The following TNNI2 variants were observed in gnomAD, a reference collection of about 807,000 sequenced individuals.
The protein encoded by TNNI2 is troponin I, fast skeletal muscle.
A neutral mutation model predicts 26.5 loss-of-function variants in TNNI2; 14 were observed. The ratio of observed to expected loss-of-function variants is 0.53; its 90% CI spans 0.35 to 0.83. The LOEUF is 0.83. TNNI2 is among the 40% of genes least tolerant of loss of function. The pLI is 0.01. For synonymous variants in TNNI2, 126 were observed against 97.6 expected (o/e 1.29, Z -1.71); for missense variants, 205 against 248.5 (o/e 0.82, Z 1.18).
chr11:1,839,565 C>T (rs931187388), intron 1 of TNNI2, 110 bp from the exon 2 acceptor site: 52 of 899,480 alleles, frequency 5.8e-5, no homozygotes, highest in African/African-American at 2.7e-4. Flanking sequence ...AGGGGGTGGG[C>T]GGGAGGGGGC....
chr11:1,841,674 C>T lies in TNNI2; in HGVS notation c.*123C>T. The T allele has an allele frequency of 1.1e-6, 1 of 901,540 alleles. No individual in the cohort carries two copies. 55.8% of individuals were successfully genotyped at this position (901,540 alleles called of 1,614,324 possible). A position where few individuals can be genotyped will look rare whatever the true frequency, so the allele number is the denominator to read the frequency against. On this transcript the variant is annotated 3_prime_UTR_variant, in exon 8 of 8. Transcript: ENST00000381911. ...ACCACCGTCAATAAAGGATTTGAAT[C>T]CCCATGGCTGGTCTGGTCTGGCTCT...
At chr11:1,840,152 C>T in intron 3 of TNNI2, 1 of 1,537,692 alleles carries the variant, frequency 6.5e-7, no homozygotes, top group Non-Finnish European at 8.8e-7. Context: ...CCAACTGGCC[C>T]TCCTCTCCCC....
chr11:1,839,309 G>C (rs1847111481), intron 1 of TNNI2, among the ~76,000 whole-genome samples: 1 of 152,110 alleles, frequency 6.6e-6, no homozygotes, highest in Admixed American at 6.5e-5. Flanking sequence ...TGAGCCCCCA[G>C]GCCAAACTGA....
chr11:1,840,873 G>C lies in TNNI2; in HGVS notation c.241G>C (p.Asp81His), dbSNP rs773887764. 6.2e-7 allele frequency: 1 copy of C among 1,613,296 alleles called. No individual in the cohort carries two copies. Among genetic ancestry groups the C allele is most frequent in the Non-Finnish European group, 8.5e-7 (1 of 1,179,856 alleles). Reference protein sequence around the residue: ...KIDAAEEEKYDMEVRVQKTSK... With the variant: ...KIDAAEEEKYHMEVRVQKTSK... ...CGATGCGGCTGAAGAGGAGAAGTACGACATGGAGGTGAGGGTGCAGAAGAC... is the reference window on the plus strand; with the variant it reads ...CGATGCGGCTGAAGAGGAGAAGTACCACATGGAGGTGAGGGTGCAGAAGAC... The change falls in exon 6 of 8, where the codon GAC (aspartate) becomes CAC (histidine). Residue 81 changes from aspartate to histidine, a missense_variant. Coordinates refer to ENST00000381911, the MANE Select transcript of TNNI2 (RefSeq NM_003282.4).
At chr11:1,840,304 C>T (rs963361932) in intron 3 of TNNI2, 99 bp from the exon 4 acceptor site, 62 of 1,546,112 alleles carry the variant, frequency 4.0e-5, no homozygotes, top group African/African-American at 3.4e-4. Flanking sequence ...CTGCTGGTCC[C>T]GGAGCCGGAG....
chr11:1,839,873 G>C lies in TNNI2; in HGVS notation c.15+18G>C, dbSNP rs764564038. On this transcript the variant is annotated intron_variant, in intron 3 of 7. Transcript: ENST00000381911. ...GTGAGGAGGTAAGTAGTTGCTGGGG[G>C]CTCAAAACATGACGAGGAGGGGGCT... 1 of 1,613,674 alleles carries C rather than the reference G, an allele frequency of 6.2e-7. No homozygotes were observed. The highest frequency in any genetic ancestry group is 8.5e-7 in the Non-Finnish European group (1 of 1,179,808).
At chr11:1,839,102 TC>T (rs2133031590) in intron 1 of TNNI2, 69 bp downstream of exon 1, 1 of 146,780 alleles carries the variant, frequency 6.8e-6, no homozygotes, top group African/African-American at 2.5e-5. Flanking sequence ...AGGGAGGACT[TC>T]CTGGGGCGGG....
chr11:1,840,911 G>T lies in TNNI2; in HGVS notation c.276+3G>T. On this transcript the variant is annotated splice_donor_region_variant and intron_variant, in intron 6 of 7. Coordinates refer to ENST00000381911, the MANE Select transcript of TNNI2 (RefSeq NM_003282.4). ...GGGTGCAGAAGACCAGCAAGGAGGT[G>T]AGTGGTGGCGGCGGGCCGGCGGCAG... 6.2e-7 allele frequency: 1 copy of T among 1,612,398 alleles called. No individual in the cohort carries two copies. Among genetic ancestry groups the T allele is most frequent in the Admixed American group, 1.7e-5 (1 of 59,924 alleles).
intron 5 of TNNI2, 47 bp downstream of exon 5, chr11:1,840,703 C>A (rs1270878232): frequency 1.2e-5 from 20 of 1,611,900 alleles, no homozygotes; most frequent in Non-Finnish European, 1.5e-5. Flanking sequence ...AGCAGGCCTG[C>A]CTGCTAACTC....
Position 1,840,898 on chromosome 11 carries a change from C to A in TNNI2, c.266C>A (p.Thr89Asn). The change falls in exon 6 of 8, where the codon ACC becomes AAC. Residue 89 changes from threonine (T) to asparagine (N), a missense_variant. Coordinates refer to ENST00000381911, the MANE Select transcript of TNNI2 (RefSeq NM_003282.4). The part of the protein sequence containing the change: ...KYDMEVRVQK[T>N]SKELEDMNQK... ...GACATGGAGGTGAGGGTGCAGAAGA[C>A]CAGCAAGGAGGTGAGTGGTGGCGGC... 1 of 1,613,144 alleles carries A rather than the reference C, an allele frequency of 6.2e-7. No homozygotes were observed. Among genetic ancestry groups the A allele is most frequent in the Non-Finnish European group, 8.5e-7 (1 of 1,179,706 alleles).
intron 3 of TNNI2, 76 bp from the exon 4 acceptor site, chr11:1,840,327 C>T (rs1847134261): frequency 3.2e-6 from 5 of 1,554,132 alleles, no homozygotes; most frequent in Non-Finnish European, 4.4e-6. Context: ...CCTGACCTGG[C>T]CAGGGAGCGT....
chr11:1,841,580 G>C lies in TNNI2; in HGVS notation c.*29G>C, dbSNP rs200732729. The C allele has an allele frequency of 6.0e-5, 97 of 1,606,360 alleles. No individual in the cohort carries two copies. The African/African-American group carries it at 1.3e-3, about 21-fold the overall frequency. ...ACTCGCTGCCCCTACGCCTGCCCCG[G>C]TGCCCGGCTCCCAGCAGAACATACT... On this transcript the variant is annotated 3_prime_UTR_variant, in exon 8 of 8. Transcript: ENST00000381911.
chr11:1,840,721 C>A (rs1267420858), intron 5 of TNNI2, 65 bp downstream of exon 5: 12 of 1,610,898 alleles, frequency 7.4e-6, no homozygotes, highest in Non-Finnish European at 1.0e-5. Context: ...CTCAGTTTCC[C>A]CACTTGTCAA....
At chr11:1,840,773 G>A (rs1847153396) in intron 5 of TNNI2, 46 bp from the exon 6 acceptor site, 2 of 1,601,196 alleles carry the variant, frequency 1.2e-6, no homozygotes, top group African/African-American at 1.3e-5. Flanking sequence ...GGTGACCGTG[G>A]CTGCCAAGTG....
At chr11:1,840,074 C>A (rs2133033433) in intron 3 of TNNI2, 4 of 1,100,368 alleles carry the variant, frequency 3.6e-6, no homozygotes, top group South Asian at 2.9e-5. Flanking sequence ...GTGGCCTGGT[C>A]ACAGGGGAAT....
intron 3 of TNNI2, 111 bp downstream of exon 3, chr11:1,839,966 C>T (rs1462454292): frequency 3.3e-6 from 5 of 1,512,832 alleles, no homozygotes; most frequent in Admixed American, 1.9e-5. Flanking sequence ...ATGGCCTGGC[C>T]CTCCCCGCTG....
chr11:1,840,119 C>G (rs549331869), intron 3 of TNNI2: 2 of 1,277,358 alleles, frequency 1.6e-6, no homozygotes, highest in East Asian at 2.5e-5. Flanking sequence ...CTTCCCGCCC[C>G]CACCTCACCG....
rs765640080 is a variant in TNNI2, at chr11:1,840,905, G to A, written c.273G>A (p.Lys91=). ...DMEVRVQKTS[K]ELEDMNQKLF... ...AGGTGAGGGTGCAGAAGACCAGCAA[G>A]GAGGTGAGTGGTGGCGGCGGGCCGG... Residue 91 remains lysine (K), a synonymous_variant, in exon 6 of 8, where the codon AAG becomes AAA. Coordinates refer to ENST00000381911, the MANE Select transcript of TNNI2 (RefSeq NM_003282.4). 2 of 1,611,964 alleles carry A rather than the reference G, an allele frequency of 1.2e-6. No individual in the cohort carries two copies. The highest frequency in any genetic ancestry group is 1.7e-5 in the Admixed American group (1 of 59,958).
At position 1,840,334 on chromosome 11, in the gene TNNI2, G is replaced by T. The variant is rs947913918; in HGVS notation, c.16-69G>T. The T allele has an allele frequency of 1.5e-5, 23 of 1,559,046 alleles. No homozygotes were observed. The African/African-American group carries it at 3.1e-4, about 21-fold the overall frequency. ...CCGGAGCCCCTGACCTGGCCAGGGA[G>T]CGTGGAAGGGGGTGGGGGTGCTCCA... On this transcript the variant is annotated intron_variant, in intron 3 of 7. Transcript: ENST00000381911.
Sources: allele counts gnomAD v4.1 joint callset (sites outside exome capture counted in the v4.1 genomes callset), GRCh38; gene constraint gnomAD v4.1.1; transcripts MANE v1.5; gene names NCBI Gene and HGNC (gene_info 2026-07-23, HGNC 2026-07-21).